KSR1: variants seen among roughly 807,000 people sequenced by gnomAD.
KSR1 encodes kinase suppressor of ras 1.
A neutral mutation model predicts 92.9 loss-of-function variants in KSR1; 35 were observed. The observed-to-expected ratio is 0.38, with a 90% CI of 0.29 to 0.50. The LOEUF is 0.50. KSR1 is among the 20% of genes least tolerant of loss of function. KSR1 has a pLI of 0.94. For synonymous variants in KSR1, 467 were observed against 472.6 expected (o/e 0.99, Z 0.15); for missense variants, 972 against 1,158.5 (o/e 0.84, Z 2.34).
At chr17:27,550,097 T>C (rs2945390) in intron 1 of KSR1, among the ~76,000 whole-genome samples, 65,979 of 151,968 alleles carry the variant, frequency 0.43, 14,423 homozygotes, top group Admixed American at 0.49. Flanking sequence ...TGGAGTACGG[T>C]GGTGTGATGA....
intron 1 of KSR1, among the ~76,000 whole-genome samples, chr17:27,478,556 G>A (rs953058962): frequency 2.0e-5 from 3 of 152,108 alleles, no homozygotes; most frequent in Non-Finnish European, 2.9e-5. Context: ...TGATAAACAT[G>A]AGCTGTCCAT....
intron 3 of KSR1, among the ~76,000 whole-genome samples, chr17:27,581,982 G>A (rs757487122): frequency 1.5e-4 from 23 of 152,094 alleles, no homozygotes; most frequent in Non-Finnish European, 2.1e-4. Flanking sequence ...ATAGCCCCTC[G>A]TCCCAATGTT....
chr17:27,483,763 C>G (rs1029330386), intron 1 of KSR1: 17 of 152,460 alleles, frequency 1.1e-4, no homozygotes, highest in African/African-American at 4.1e-4. Flanking sequence ...TCTCCACCCC[C>G]AGCTGCCGTG....
At chr17:27,532,628 A>G (rs891486832) in intron 1 of KSR1, among the ~76,000 whole-genome samples, 2 of 152,156 alleles carry the variant, frequency 1.3e-5, no homozygotes, top group Admixed American at 6.5e-5. Context: ...AGCGGGTGGG[A>G]CGGGGTAGGA....
chr17:27,603,870 A>C lies in KSR1; in HGVS notation c.1547A>C (p.Glu516Ala), dbSNP rs1181957797. The C allele has an allele frequency of 1.2e-6, 2 of 1,613,896 alleles. No homozygotes were observed. Among genetic ancestry groups the C allele is most frequent in the East Asian group, 4.5e-5 (2 of 44,866 alleles). The change falls in exon 12 of 21, where the codon GAA (glutamate) becomes GCA (alanine). Residue 516 changes from glutamate to alanine, a missense_variant. This residue lies in a region of KSR1 where 611 missense variants were observed against 668.0 expected (regional missense o/e 0.91). Coordinates refer to ENST00000644974, the MANE Select transcript of KSR1 (RefSeq NM_001394583.1). ...TTTGCACACGCAGCCCCGCTCCCTG[A>C]AGCTGCCGACGGTACCCGGTAGGCA... ...SAFAHAAPLP[E>A]AADGTRLDDQ...
At chr17:27,595,417 G>A (rs1012091589) in intron 9 of KSR1, among the ~76,000 whole-genome samples, 4 of 152,244 alleles carry the variant, frequency 2.6e-5, no homozygotes, top group East Asian at 1.9e-4. Flanking sequence ...ACTGATCAGC[G>A]CAGTAACGCT....
intron 9 of KSR1, among the ~76,000 whole-genome samples, chr17:27,595,506 A>C (rs1474728523): frequency 1.3e-5 from 2 of 152,164 alleles, no homozygotes; most frequent in African/African-American, 4.8e-5. Flanking sequence ...GCCTAGAGTC[A>C]CCCAGCTAAG....
chr17:27,461,072 T>TTTTTTG (rs1282307169), intron 1 of KSR1, among the ~76,000 whole-genome samples: 1 of 151,970 alleles, frequency 6.6e-6, no homozygotes, highest in Non-Finnish European at 1.5e-5. Context: ...TTTTGTTTTG[T>TTTTTTG]TTTTTGTTTT....
intron 2 of KSR1, among the ~76,000 whole-genome samples, chr17:27,574,151 A>G (rs551781865): frequency 6.6e-6 from 1 of 152,334 alleles, no homozygotes; most frequent in East Asian, 1.9e-4. Flanking sequence ...TTGTTCAGAT[A>G]AGGTGAAGGT....
At chr17:27,498,010 A>G (rs955709828) in intron 1 of KSR1, among the ~76,000 whole-genome samples, 5 of 152,168 alleles carry the variant, frequency 3.3e-5, no homozygotes, top group African/African-American at 9.7e-5. Flanking sequence ...TTTTTCCTTC[A>G]GTAGCAGTAA....
chr17:27,551,090 T>C (rs995121589), intron 2 of KSR1, among the ~76,000 whole-genome samples: 9 of 152,244 alleles, frequency 5.9e-5, no homozygotes, highest in African/African-American at 2.2e-4. Flanking sequence ...ATTGTTGCCA[T>C]TTTATACTCG....
At chr17:27,588,245 C>A in intron 5 of KSR1, 1 of 345,914 alleles carries the variant, frequency 2.9e-6, no homozygotes, top group Non-Finnish European at 5.3e-6. Context: ...ACTGAGCCAT[C>A]CTCAGAGGCC....
chr17:27,494,155 A>G (rs1352378220), intron 1 of KSR1, among the ~76,000 whole-genome samples: 1 of 152,168 alleles, frequency 6.6e-6, no homozygotes, highest in East Asian at 1.9e-4. Context: ...GCAGGTTAAA[A>G]AAAAAAATTA....
At chr17:27,497,597 ATGT>A (rs2069035119) in intron 1 of KSR1, among the ~76,000 whole-genome samples, 1 of 152,118 alleles carries the variant, frequency 6.6e-6, no homozygotes, top group African/African-American at 2.4e-5. Context: ...ATATATAATA[ATGT>A]TGTTTTGTTT....
intron 1 of KSR1, among the ~76,000 whole-genome samples, chr17:27,524,896 A>G (rs1174154488): frequency 6.6e-6 from 1 of 152,132 alleles, no homozygotes; most frequent in Non-Finnish European, 1.5e-5. Context: ...GTTATATTAC[A>G]TTATGCTGTA....
chr17:27,588,434 C>T (rs373634281), intron 5 of KSR1, 41 bp from the exon 6 acceptor site: 14 of 1,538,306 alleles, frequency 9.1e-6, no homozygotes, highest in East Asian at 4.9e-5. Context: ...CTGTCGCCTG[C>T]GGAGTTCCTC....
At chr17:27,601,742 T>G in intron 11 of KSR1, 1 of 637,444 alleles carries the variant, frequency 1.6e-6, no homozygotes, top group Non-Finnish European at 2.8e-6. Context: ...GACTTTTTGC[T>G]AATGCCTTAT....
chr17:27,586,014 G>T, intron 5 of KSR1: 1 of 329,218 alleles, frequency 3.0e-6, no homozygotes, highest in Non-Finnish European at 5.6e-6. Flanking sequence ...CAGCACCCCT[G>T]GGAAGGCGGT....
chr17:27,552,186 T>C (rs2071419838), intron 2 of KSR1, among the ~76,000 whole-genome samples: 2 of 152,270 alleles, frequency 1.3e-5, no homozygotes, highest in South Asian at 4.1e-4. Context: ...TGAGTTTATT[T>C]TCTCAATGAC....
Sources: gnomAD v4.1 joint callset for allele counts (sites outside exome capture counted in the v4.1 genomes callset) on GRCh38, gnomAD v4.1.1 for gene constraint, gnomAD v4.1.1 regional missense constraint, MANE v1.5 for transcripts, NCBI Gene and HGNC (gene_info 2026-07-23, HGNC 2026-07-21) for gene names.